Variants in HRH2 observed in about 807,000 individuals in gnomAD.
The protein encoded by HRH2 is histamine receptor H2.
HRH2 carries 4 observed loss-of-function variants against 20.1 expected under a neutral mutation model. The observed-to-expected ratio is 0.20, with a 90% CI of 0.10 to 0.45. The LOEUF is 0.45. Ranked by LOEUF, HRH2 falls within the 20% of genes least tolerant of loss-of-function variation. The probability of loss-of-function intolerance (pLI) is 0.99; values close to 1 mark genes in which losing one functional copy is unlikely to be tolerated. For missense variants in HRH2, 250 were observed against 461.6 expected, an observed-to-expected ratio of 0.54 and a Z score of 4.20; for synonymous variants, 197 against 200.7, an observed-to-expected ratio of 0.98 and a Z score of 0.16.
At chr5:175,679,957 T>G (rs543115058) in intron 1 of HRH2, among the ~76,000 whole-genome samples, 134 of 152,336 alleles carry the variant, frequency 8.8e-4, no homozygotes, top group African/African-American at 3.1e-3. Flanking sequence ...TCACCTGGCC[T>G]CTTTGAGCCT....
chr5:175,673,211 G>A (rs1335969005), intron 1 of HRH2, among the ~76,000 whole-genome samples: 2 of 152,098 alleles, frequency 1.3e-5, no homozygotes, highest in Admixed American at 6.6e-5. Flanking sequence ...TAGGACGGGG[G>A]CAGCTGCAAA....
intron 1 of HRH2, among the ~76,000 whole-genome samples, chr5:175,678,274 A>C (rs142385875): frequency 6.6e-6 from 1 of 152,326 alleles, no homozygotes; most frequent in African/African-American, 2.4e-5. Context: ...GGTATGTGTC[A>C]TGCACATGAA....
chr5:175,682,208 A>T (rs774738806), intron 1 of HRH2, among the ~76,000 whole-genome samples: 14 of 152,230 alleles, frequency 9.2e-5, no homozygotes, highest in Non-Finnish European at 1.8e-4. Flanking sequence ...TTTCTGAAAA[A>T]GTTTGTCGGC....
chr5:175,685,676 C>T (rs1156916659), intron 2 of HRH2: 4 of 622,378 alleles, frequency 6.4e-6, no homozygotes, highest in South Asian at 3.9e-5. Flanking sequence ...GTTTCCTCAT[C>T]GCATAGAGAG....
At chr5:175,697,190 G>A (rs1372105588) in intron 2 of HRH2, among the ~76,000 whole-genome samples, 2 of 152,154 alleles carry the variant, frequency 1.3e-5, no homozygotes, top group Non-Finnish European at 1.5e-5. Flanking sequence ...CCGGCCGGGC[G>A]CGGTGGCTCA....
rs1204944123 is a variant in HRH2, at chr5:175,710,026, C to T, written c.*2055C>T. ...TCCGTGAGGAAAGGCTCCTCCTGCT[C>T]ATTTTAGTGCCCTGAAATGTCACTT... On this transcript the variant is annotated 3_prime_UTR_variant, in exon 3 of 3. Coordinates refer to ENST00000636584, the MANE Select transcript of HRH2 (RefSeq NM_001367711.1). The T allele has an allele frequency of 1.3e-5, 2 of 152,378 alleles. No individual in the cohort carries two copies. Among genetic ancestry groups the T allele is most frequent in the Non-Finnish European group, 2.9e-5 (2 of 68,160 alleles). 9.4% of individuals were successfully genotyped at this position (152,378 alleles called of 1,614,324 possible).
In HRH2 at chr5:175,683,536, C is replaced by T; in HGVS notation, c.303C>T (p.Leu101=). The change falls in exon 2 of 3, where the codon CTC becomes CTT. Residue 101 remains leucine (L), a synonymous_variant. Coordinates refer to ENST00000636584, the MANE Select transcript of HRH2 (RefSeq NM_001367711.1). ...TCTACACCAGCCTGGATGTGATGCT[C>T]TGCACAGCCTCCATTCTTAACCTCT... ...CNIYTSLDVM[L]CTASILNLFM... is the part of the protein sequence containing the mutation. 4 of 1,614,216 alleles carry T rather than the reference C, an allele frequency of 2.5e-6. No homozygotes were observed. The highest frequency in any genetic ancestry group is 2.5e-6 in the Non-Finnish European group (3 of 1,180,038).
intron 1 of HRH2, among the ~76,000 whole-genome samples, chr5:175,674,168 A>G (rs1488006025): frequency 6.6e-6 from 1 of 152,238 alleles, no homozygotes; most frequent in Admixed American, 6.5e-5. Context: ...AACATCACAC[A>G]AGAACTGGTC....
At chr5:175,700,093 G>A (rs918005332) in intron 2 of HRH2, among the ~76,000 whole-genome samples, 1 of 152,248 alleles carries the variant, frequency 6.6e-6, no homozygotes, top group East Asian at 1.9e-4. Context: ...CAGACAGAAC[G>A]CGGAACTCCT....
At chr5:175,697,442 G>A (rs1397149531) in intron 2 of HRH2, among the ~76,000 whole-genome samples, 1 of 140,350 alleles carries the variant, frequency 7.1e-6, no homozygotes, top group South Asian at 2.2e-4. Context: ...CAGCTTGGGC[G>A]AAAGAGTGAG....
chr5:175,702,718 A>ATTTT (rs778509797), intron 2 of HRH2, among the ~76,000 whole-genome samples: 1 of 139,752 alleles, frequency 7.2e-6, no homozygotes, highest in African/African-American at 2.9e-5. Flanking sequence ...CGCCTGGCTA[A>ATTTT]TTTTTTCTTT....
In HRH2 at chr5:175,684,727, C is replaced by T. The variant is rs1457448167; in HGVS notation, c.1076+418C>T. ...CCATGTCACCAATGCTGCCACTTGA[C>T]GGGCCTGTTGTGGGGTTAAATGAGA... is the stretch of plus-strand genomic sequence containing the variant. On this transcript the variant is annotated intron_variant, in intron 2 of 2. Coordinates refer to ENST00000636584, the MANE Select transcript of HRH2 (RefSeq NM_001367711.1). 2.0e-5 allele frequency among the ~76,000 whole-genome samples: 3 copies of T among 152,168 alleles called. 1 individual carries two copies. The highest frequency in any genetic ancestry group is 3.9e-4 in the East Asian group (2 of 5,188).
rs561812284 is a variant in HRH2 at position 175,658,343 on chromosome 5, G to T, written c.-526+188G>T. Among the ~76,000 whole-genome samples the T allele has an allele frequency of 2.6e-5, 4 of 152,298 alleles. No individual in the cohort carries two copies. In the East Asian group the frequency reaches 7.8e-4, roughly 30 times the overall value. ...CCTGGCTGTGCCTGACCTTGGGCAG[G>T]TGCCTCCGCCTGGCCTGCGAGCCTC... On this transcript the variant is annotated intron_variant, in intron 1 of 2. Transcript: ENST00000636584.
chr5:175,684,204 T>C lies in HRH2; in HGVS notation c.971T>C (p.Leu324Pro). The C allele has an allele frequency of 6.2e-7, 1 of 1,614,166 alleles. No individual in the cohort carries two copies. The highest frequency in any genetic ancestry group is 8.5e-7 in the Non-Finnish European group (1 of 1,180,040). Residue 324 changes from leucine (L) to proline (P), a missense_variant, in exon 2 of 3, where the codon CTG (leucine) becomes CCG (proline). By Grantham distance (98) the Leu-to-Pro change is moderately conservative (BLOSUM62 -3). This residue lies in a region of HRH2 where 55 missense variants were observed against 66.9 expected (regional missense o/e 0.82). Transcript: ENST00000636584. Reference protein sequence around the residue: ...KTSLRSNASQLSRTQSREPRQ... With the variant: ...KTSLRSNASQPSRTQSREPRQ... ...TCTCTGAGGTCCAACGCCTCTCAGC[T>C]GTCCAGGACCCAAAGCCGAGAACCC...
chr5:175,668,252 G>T (rs1755371812), intron 1 of HRH2, among the ~76,000 whole-genome samples: 3 of 152,208 alleles, frequency 2.0e-5, no homozygotes. Context: ...CGCTATTTAT[G>T]CTCACGGTGT....
intron 2 of HRH2, among the ~76,000 whole-genome samples, chr5:175,692,822 C>G (rs1359657213): frequency 5.3e-5 from 8 of 152,156 alleles, no homozygotes; most frequent in Admixed American, 5.2e-4. Flanking sequence ...CGTGCCAACC[C>G]CCCAACTGTG....
rs1757002970 is a variant in HRH2, at chr5:175,708,147, G to T, written c.*176G>T. 2.5e-6 allele frequency: 1 copy of T among 394,510 alleles called. No individual in the cohort carries two copies. The highest frequency in any genetic ancestry group is 4.5e-6 in the Non-Finnish European group (1 of 224,014). The allele number at this position is 394,510 out of a possible 1,614,324, so 24.4% of individuals were successfully genotyped here. ...GGCCTAGGGCGGAACAGCCTATTCTGTGCTCAGCATTCCCAGACAGGCACG... is the reference window on the plus strand; with the variant it reads ...GGCCTAGGGCGGAACAGCCTATTCTTTGCTCAGCATTCCCAGACAGGCACG... On this transcript the variant is annotated 3_prime_UTR_variant, in exon 3 of 3. Transcript: ENST00000636584.
chr5:175,696,548 G>T (rs1388579121), intron 2 of HRH2, among the ~76,000 whole-genome samples: 2 of 152,228 alleles, frequency 1.3e-5, no homozygotes, highest in Non-Finnish European at 2.9e-5. Flanking sequence ...TCATGTGGAG[G>T]TTGTAAAAGT....
chr5:175,703,198 G>T (rs1581469079), intron 2 of HRH2, among the ~76,000 whole-genome samples: 1 of 152,292 alleles, frequency 6.6e-6, no homozygotes, highest in East Asian at 1.9e-4. Flanking sequence ...CATGTGTTAG[G>T]TTAAGAAGTA....
Sources: gnomAD v4.1 joint callset for allele counts (sites outside exome capture counted in the v4.1 genomes callset) on GRCh38, gnomAD v4.1.1 for gene constraint, gnomAD v4.1.1 regional missense constraint, MANE v1.5 for transcripts, NCBI Gene and HGNC (gene_info 2026-07-23, HGNC 2026-07-21) for gene names.